SUPT3H: variants seen among roughly 807,000 people sequenced by gnomAD.
SUPT3H encodes SPT3 homolog, SAGA and STAGA complex component.
In SUPT3H, 44 loss-of-function variants were observed where a neutral mutation model predicts 44.3. The ratio of observed to expected loss-of-function variants is 0.99; its 90% CI spans 0.78 to 1.28. The LOEUF (loss-of-function observed/expected upper bound fraction) is 1.28. Among genes scored for constraint, SUPT3H ranks in the 50% most tolerant of loss-of-function variants. The pLI, the probability that SUPT3H is intolerant of heterozygous loss-of-function variation, is 0.00. For missense variants in SUPT3H, 380 were observed against 387.1 expected (o/e 0.98, Z 0.15); for synonymous variants, 124 against 125.6 (o/e 0.99, Z 0.09).
At chr6:45,303,671 T>TAAAAAAAAAA (rs36119324) in intron 2 of SUPT3H, among the ~76,000 whole-genome samples, 1 of 113,048 alleles carries the variant, frequency 8.8e-6, no homozygotes, top group Admixed American at 9.1e-5. Flanking sequence ...ATTCTAGAAG[T>TAAAAAAAAAA]AAAAAAAAAA....
intron 10 of SUPT3H, among the ~76,000 whole-genome samples, chr6:44,848,567 CTGTGTACATTTGT>C (rs1378464041): frequency 1.3e-5 from 2 of 152,168 alleles, no homozygotes; most frequent in Non-Finnish European, 2.9e-5. Flanking sequence ...GAGTAATAGT[CTGTGTACATTTGT>C]TGTGTGGATC....
chr6:45,226,549 A>T (rs548631965), intron 2 of SUPT3H, among the ~76,000 whole-genome samples: 30 of 151,826 alleles, frequency 2.0e-4, no homozygotes, highest in African/African-American at 5.3e-4. Context: ...ACAAAAAAAA[A>T]TTTTTTCTTC....
chr6:45,056,811 A>G (rs1468584352), intron 3 of SUPT3H, among the ~76,000 whole-genome samples: 2 of 152,142 alleles, frequency 1.3e-5, no homozygotes, highest in African/African-American at 4.8e-5. Context: ...TAACTTATCC[A>G]TGTAAGCAAA....
intron 10 of SUPT3H, among the ~76,000 whole-genome samples, chr6:44,924,695 C>T (rs1341278032): frequency 6.6e-6 from 1 of 152,016 alleles, no homozygotes; most frequent in African/African-American, 2.4e-5. Context: ...CTGGGAAATA[C>T]TCACTTTCAG....
At chr6:44,958,962 A>G (rs1582758877) in intron 7 of SUPT3H, among the ~76,000 whole-genome samples, 1 of 124,654 alleles carries the variant, frequency 8.0e-6, no homozygotes, top group Non-Finnish European at 1.6e-5. Flanking sequence ...TGCAACCTCC[A>G]CCTCCCGGGT....
chr6:44,882,536 G>A (rs949336317), intron 10 of SUPT3H, among the ~76,000 whole-genome samples: 1 of 152,172 alleles, frequency 6.6e-6, no homozygotes, highest in Admixed American at 6.5e-5. Flanking sequence ...ATCATTTTAT[G>A]AGGCCAGCAT....
chr6:45,230,662 C>CTATATATATATATA (rs66480751), intron 2 of SUPT3H, among the ~76,000 whole-genome samples: 14 of 68,730 alleles, frequency 2.0e-4, no homozygotes, highest in African/African-American at 3.1e-4. Context: ...TTCATTCAGT[C>CTATATATATATATA]TATATATATA....
chr6:44,920,039 C>T (rs769975273), intron 10 of SUPT3H, among the ~76,000 whole-genome samples: 3 of 151,890 alleles, frequency 2.0e-5, no homozygotes, highest in South Asian at 2.1e-4. Flanking sequence ...CCACCACACC[C>T]GGCTAATTTT....
At chr6:45,076,775 A>T (rs1313394519) in intron 3 of SUPT3H, among the ~76,000 whole-genome samples, 1 of 152,150 alleles carries the variant, frequency 6.6e-6, no homozygotes, top group East Asian at 1.9e-4. Context: ...AAGAAAATCC[A>T]ACCTATTGTC....
At chr6:45,175,033 A>ATT (rs1811477855) in intron 2 of SUPT3H, among the ~76,000 whole-genome samples, 1 of 150,988 alleles carries the variant, frequency 6.6e-6, no homozygotes, top group Non-Finnish European at 1.5e-5. Context: ...AAAAAAAAAA[A>ATT]AAAAAAATTA....
intron 2 of SUPT3H, among the ~76,000 whole-genome samples, chr6:45,155,858 A>G (rs1210090488): frequency 6.6e-6 from 1 of 152,148 alleles, no homozygotes; most frequent in Non-Finnish European, 1.5e-5. Flanking sequence ...ATTCTGTTGA[A>G]GAAACCAGTA....
rs371593472 is a variant in SUPT3H, at chr6:45,201,258, TATG to T, written c.102-95255_102-95253del. ...TTCAGTGTAATCCTAGAGTTTAACATATGAATTGGTAAATGCAAATAATCTCAT... is the reference window on the plus strand; with the variant it reads ...TTCAGTGTAATCCTAGAGTTTAACATAATTGGTAAATGCAAATAATCTCAT... On this transcript the variant is annotated intron_variant, in intron 2 of 10. Transcript: ENST00000371459. 6.9e-4 allele frequency among the ~76,000 whole-genome samples: 105 copies of T among 151,804 alleles called. 3 individuals are homozygous for T. In the South Asian group the frequency reaches 0.021, roughly 30 times the overall value.
rs145232730 is a variant in SUPT3H at position 44,956,730 on chromosome 6, A to T, written c.581-2123T>A. ...CTTGAGTCTTTTCCTCTGTGTGTCTACTCCTACTCCTTTCCTTCCATGGAA... is the reference window on the plus strand; with the variant it reads ...CTTGAGTCTTTTCCTCTGTGTGTCTTCTCCTACTCCTTTCCTTCCATGGAA... On this transcript the variant is annotated intron_variant, in intron 7 of 10. Transcript: ENST00000371459. Among the ~76,000 whole-genome samples, 6 of 151,500 alleles carry T rather than the reference A, an allele frequency of 4.0e-5. No individual in the cohort carries two copies. The East Asian group carries it at 1.2e-3, about 30-fold the overall frequency.
At chr6:45,110,902 T>C (rs1416771713) in intron 2 of SUPT3H, among the ~76,000 whole-genome samples, 1 of 152,200 alleles carries the variant, frequency 6.6e-6, no homozygotes, top group Non-Finnish European at 1.5e-5. Context: ...TTTGAGAAAG[T>C]ATATGTAATG....
intron 2 of SUPT3H, among the ~76,000 whole-genome samples, chr6:45,131,243 G>A (rs111392385): frequency 7.0e-4 from 107 of 152,074 alleles, no homozygotes; most frequent in African/African-American, 2.5e-3. Flanking sequence ...TTCCAGATAC[G>A]GCAAAATAAG....
intron 2 of SUPT3H, among the ~76,000 whole-genome samples, chr6:45,120,795 AC>A (rs1801550782): frequency 6.6e-6 from 1 of 152,156 alleles, no homozygotes; most frequent in Non-Finnish European, 1.5e-5. Context: ...AAAGCTACAA[AC>A]CTGGGGAACT....
intron 9 of SUPT3H, among the ~76,000 whole-genome samples, chr6:44,942,210 G>A (rs1772560636): frequency 6.6e-6 from 1 of 152,034 alleles, no homozygotes; most frequent in Non-Finnish European, 1.5e-5. Context: ...AGGTCTTTTA[G>A]GTAAGATTTT....
At chr6:44,882,648 C>G (rs1778436844) in intron 10 of SUPT3H, among the ~76,000 whole-genome samples, 1 of 152,124 alleles carries the variant, frequency 6.6e-6, no homozygotes, top group Non-Finnish European at 1.5e-5. Context: ...AAAATACTGG[C>G]AAACCGGATC....
intron 2 of SUPT3H, among the ~76,000 whole-genome samples, chr6:45,145,848 G>C (rs1254135818): frequency 6.6e-6 from 1 of 151,872 alleles, no homozygotes; most frequent in Non-Finnish European, 1.5e-5. Context: ...ATCAAAAAGT[G>C]GGCAAAAGAC....
Sources: gnomAD v4.1 joint callset for allele counts (sites outside exome capture counted in the v4.1 genomes callset) on GRCh38, gnomAD v4.1.1 for gene constraint, MANE v1.5 for transcripts, NCBI Gene and HGNC (gene_info 2026-07-23, HGNC 2026-07-21) for gene names.